Variants in SRGAP3 observed in about 807,000 individuals in gnomAD.
SRGAP3 encodes SLIT-ROBO Rho GTPase activating protein 3, also known as SLIT-ROBO Rho GTPase-activating protein 3.
A neutral mutation model predicts 121.1 loss-of-function variants in SRGAP3; 39 were observed. The observed-to-expected ratio is 0.32, with a 90% CI of 0.25 to 0.42. SRGAP3 has a LOEUF of 0.42. Among genes scored for constraint, SRGAP3 ranks in the 10% least tolerant of loss-of-function variants. SRGAP3 has a pLI of 1.00. For synonymous variants in SRGAP3, 601 were observed against 570.0 expected, an observed-to-expected ratio of 1.05 and a Z score of -0.77; for missense variants, 1,213 against 1,470.6, an observed-to-expected ratio of 0.82 and a Z score of 2.86.
At chr3:9,024,835 T>C (rs488139) in intron 14 of SRGAP3, among the ~76,000 whole-genome samples, 121,871 of 152,108 alleles carry the variant, frequency 0.8, 49,550 homozygotes, top group African/African-American at 0.94. Context: ...TACAGATTCA[T>C]ATGAATATTC....
chr3:9,072,694 G>T (rs1468603068), intron 4 of SRGAP3, among the ~76,000 whole-genome samples: 1 of 152,226 alleles, frequency 6.6e-6, no homozygotes, highest in African/African-American at 2.4e-5. Flanking sequence ...CCACAGACGG[G>T]GGAAACCGAG....
chr3:9,156,049 T>A (rs2668355), intron 1 of SRGAP3, among the ~76,000 whole-genome samples: 7 of 151,510 alleles, frequency 4.6e-5, no homozygotes, highest in African/African-American at 1.7e-4. Context: ...TCTCCTGACC[T>A]CGTGATCCAC....
At chr3:9,120,083 G>C (rs1275713068) in intron 2 of SRGAP3, among the ~76,000 whole-genome samples, 2 of 152,174 alleles carry the variant, frequency 1.3e-5, no homozygotes, top group Admixed American at 1.3e-4. Context: ...GATTATAGCT[G>C]GTCTTTCTTT....
chr3:9,362,518 G>A (rs2030947896), intron 1 of SRGAP3, among the ~76,000 whole-genome samples: 1 of 151,398 alleles, frequency 6.6e-6, no homozygotes, highest in East Asian at 2.0e-4. Context: ...AGTGGCTCAT[G>A]CCTGTAATCC....
At chr3:9,294,439 G>C (rs1488510844) in intron 3 of SRGAP3, among the ~76,000 whole-genome samples, 3 of 152,048 alleles carry the variant, frequency 2.0e-5, no homozygotes, top group African/African-American at 7.2e-5. Context: ...CTTAATACTT[G>C]AGTGATGAAA....
chr3:9,072,261 C>T (rs1354310534), intron 4 of SRGAP3, among the ~76,000 whole-genome samples: 3 of 152,196 alleles, frequency 2.0e-5, no homozygotes, highest in African/African-American at 4.8e-5. Flanking sequence ...TGTCCACTGT[C>T]GATCAGATAC....
At chr3:8,997,878 G>GTTTT (rs35922221) in intron 18 of SRGAP3, among the ~76,000 whole-genome samples, 10 of 148,694 alleles carry the variant, frequency 6.7e-5, no homozygotes, top group African/African-American at 1.2e-4. Context: ...ATTCATAGAG[G>GTTTT]TTTTTTTTTT....
At chr3:9,098,009 C>G (rs894997125) in intron 3 of SRGAP3, among the ~76,000 whole-genome samples, 2 of 152,210 alleles carry the variant, frequency 1.3e-5, no homozygotes, top group African/African-American at 4.8e-5. Flanking sequence ...AGTCTCAGAG[C>G]TGGCTTCCCA....
intron 3 of SRGAP3, among the ~76,000 whole-genome samples, chr3:9,099,126 T>C (rs1225614767): frequency 6.6e-6 from 1 of 152,174 alleles, no homozygotes; most frequent in African/African-American, 2.4e-5. Context: ...AGCAAGGCAA[T>C]TATTGAACAC....
intron 1 of SRGAP3, among the ~76,000 whole-genome samples, chr3:9,225,385 C>A (rs1952951267): frequency 6.6e-6 from 1 of 152,156 alleles, no homozygotes; most frequent in Non-Finnish European, 1.5e-5. Flanking sequence ...GAAGAGGAAG[C>A]CACTGTCCTG....
chr3:9,236,217 C>A (rs1448757311), intron 1 of SRGAP3: 1 of 177,450 alleles, frequency 5.6e-6, no homozygotes, highest in Non-Finnish European at 1.2e-5. Flanking sequence ...AGCTTCTATT[C>A]ATCCTTCAAA....
At position 8,985,535 on chromosome 3, in the gene SRGAP3, T is replaced by C; in HGVS notation, c.3284A>G (p.Lys1095Arg). 6.3e-7 allele frequency: 1 copy of C among 1,598,836 alleles called. No individual in the cohort carries two copies. Among genetic ancestry groups the C allele is most frequent in the Admixed American group, 1.7e-5 (1 of 59,972 alleles). ...EKMFPNSSADKSGTM is the reference protein window; with the variant it reads ...EKMFPNSSADRSGTM The stretch of plus-strand genomic sequence containing the variant: ...TCCTGCAGGTCACATGGTGCCCGAC[T>C]TGTCCGCTGAGCTGTTGGGGAACAT... The change falls in exon 22 of 22, where the codon AAG becomes AGG. Residue 1095 changes from lysine (K) to arginine (R), a missense_variant. Around this residue, in one of 2 missense-constraint regions of SRGAP3, gnomAD observed 420 missense variants for 437.7 expected, o/e 0.96. Transcript: ENST00000383836. The surrounding 1 kb of genome is among the most constrained non-coding windows in gnomAD (Gnocchi z 5.1).
At chr3:9,080,572 T>C (rs996576026) in intron 3 of SRGAP3, among the ~76,000 whole-genome samples, 11 of 152,084 alleles carry the variant, frequency 7.2e-5, no homozygotes, top group Admixed American at 6.5e-4. Context: ...CCAGGAAAAA[T>C]CTCAGGTCCT....
chr3:9,198,240 A>G (rs1204124531), intron 1 of SRGAP3, among the ~76,000 whole-genome samples: 1 of 152,222 alleles, frequency 6.6e-6, no homozygotes, highest in Non-Finnish European at 1.5e-5. Flanking sequence ...TTATATGTCT[A>G]CATGGCCTTA....
intron 18 of SRGAP3, among the ~76,000 whole-genome samples, chr3:9,002,522 C>T (rs993837619): frequency 8.5e-5 from 13 of 152,148 alleles, no homozygotes; most frequent in African/African-American, 3.1e-4. Context: ...AAACTTCCAC[C>T]TTAAGACACT....
chr3:9,028,781 C>T (rs547524877), intron 12 of SRGAP3, among the ~76,000 whole-genome samples: 2 of 152,190 alleles, frequency 1.3e-5, no homozygotes, highest in Non-Finnish European at 2.9e-5. Flanking sequence ...CTTTGCTCTC[C>T]TTCCTCCCCT....
At chr3:9,144,833 G>T (rs1949971624) in intron 1 of SRGAP3, among the ~76,000 whole-genome samples, 1 of 152,142 alleles carries the variant, frequency 6.6e-6, no homozygotes, top group Non-Finnish European at 1.5e-5. Flanking sequence ...CTCAACTGTG[G>T]TATACTCACG....
In SRGAP3 at chr3:9,058,260, C is replaced by G. The variant is rs199718543; in HGVS notation, c.1014G>C (p.Met338Ile). The change falls in exon 7 of 22, where the codon ATG becomes ATC. Residue 338 changes from methionine (M) to isoleucine (I), a missense_variant. Coordinates refer to ENST00000383836, the MANE Select transcript of SRGAP3 (RefSeq NM_014850.4). Reference sequence around the variant, plus strand: ...CCAGGAGGAAGCCTACCTCATCCCCCATGTGGGGCTGGAACTCGAACTTGA... The same window carrying G: ...CCAGGAGGAAGCCTACCTCATCCCCGATGTGGGGCTGGAACTCGAACTTGA... ...PPLKFEFQPHMGDEVCQVSAQ... is the reference protein window; with the variant it reads ...PPLKFEFQPHIGDEVCQVSAQ... The G allele has an allele frequency of 7.4e-6, 12 of 1,614,072 alleles. No homozygotes were observed. The highest frequency in any genetic ancestry group is 1.0e-5 in the Non-Finnish European group (12 of 1,180,040).
At chr3:9,091,656 A>G (rs1560126618) in intron 3 of SRGAP3, among the ~76,000 whole-genome samples, 1 of 152,180 alleles carries the variant, frequency 6.6e-6, no homozygotes, top group Non-Finnish European at 1.5e-5. Flanking sequence ...CCCTGAACAC[A>G]GCAGCTCCAA....
Sources: allele counts gnomAD v4.1 joint callset (sites outside exome capture counted in the v4.1 genomes callset), GRCh38; gene constraint gnomAD v4.1.1; regional missense constraint gnomAD v4.1.1; non-coding constraint Gnocchi (gnomAD v3.1); transcripts MANE v1.5; gene names NCBI Gene and HGNC (gene_info 2026-07-23, HGNC 2026-07-21).